The following SIGMAR1 variants were observed in gnomAD, a reference collection of about 807,000 sequenced individuals.
The protein encoded by SIGMAR1 is SR31747 binding protein 1.
A neutral mutation model predicts 25.4 loss-of-function variants in SIGMAR1; 18 were observed. That is an observed-to-expected ratio of 0.71 (90% CI 0.49 to 1.05). SIGMAR1 has a LOEUF of 1.05. SIGMAR1 is among the 50% of genes least tolerant of loss of function. SIGMAR1 has a pLI of 0.00. For missense variants in SIGMAR1, 249 were observed against 301.6 expected (o/e 0.83, Z 1.29); for synonymous variants, 125 against 131.6 (o/e 0.95, Z 0.34).
Position 34,637,407 on chromosome 9 carries a change from C to G in SIGMAR1, c.165G>C (p.Glu55Asp). ...CCACGATCAGACGAGAGAAGGCCAG[C>G]TCGTGGTCCAGCCCTGGCGGAGGCA... ...LARQYAGLDH[E>D]LAFSRLIVEL... The change falls in exon 2 of 4, where the codon GAG becomes GAC. Residue 55 changes from glutamate to aspartate, a missense_variant. Coordinates refer to ENST00000277010, the MANE Select transcript of SIGMAR1 (RefSeq NM_005866.4). 1.2e-6 allele frequency: 2 copies of G among 1,604,158 alleles called. No individual in the cohort carries two copies. The highest frequency in any genetic ancestry group is 1.7e-6 in the Non-Finnish European group (2 of 1,179,488).
chr9:34,637,494 C>A, intron 1 of SIGMAR1, 53 bp downstream of exon 1: 2 of 1,579,478 alleles, frequency 1.3e-6, no homozygotes, highest in Non-Finnish European at 1.7e-6. Context: ...CTTCGGAACC[C>A]TAGGCTCCGC....
Position 34,637,629 on chromosome 9 carries a change from G to C in SIGMAR1, c.69C>G (p.Thr23=). 1.9e-6 allele frequency: 3 copies of C among 1,541,804 alleles called. No individual in the cohort carries two copies. In the South Asian group the frequency reaches 3.6e-5, roughly 18 times the overall value. ...TACCCAGCCAGAGCCAGACGACCTG[G>C]GTCAGCACCGCTGCGACAGCCAGGA... ...ALLLAVAAVL[T]QVVWLWLGTQ... The change falls in exon 1 of 4, where the codon ACC becomes ACG. Residue 23 remains threonine, a synonymous_variant. Coordinates refer to ENST00000277010, the MANE Select transcript of SIGMAR1 (RefSeq NM_005866.4).
rs527335639 is a variant in SIGMAR1 at position 34,635,303 on chromosome 9, G to C, written c.*329C>G. On this transcript the variant is annotated 3_prime_UTR_variant, in exon 4 of 4. Coordinates refer to ENST00000277010, the MANE Select transcript of SIGMAR1 (RefSeq NM_005866.4). The surrounding 1 kb of genome is among the most constrained non-coding windows in gnomAD (Gnocchi z 4.5). ...TGGGGAGGAGGTGGGAAGCTGTGGA[G>C]CTATGGAAAGGCCTCAGTTAGTGAG... 4 of 391,362 alleles carry C rather than the reference G, an allele frequency of 1.0e-5. No homozygotes were observed. The highest frequency in any genetic ancestry group is 8.3e-5 in the African/African-American group (4 of 48,324). 24.2% of individuals were successfully genotyped at this position (391,362 alleles called of 1,614,324 possible).
At position 34,637,101 on chromosome 9, in the gene SIGMAR1, T is replaced by C; in HGVS notation, c.353-12A>G. The C allele has an allele frequency of 1.9e-6, 3 of 1,613,696 alleles. No homozygotes were observed. Among genetic ancestry groups the C allele is most frequent in the Non-Finnish European group, 2.5e-6 (3 of 1,179,976 alleles). ...AGCCCAGTAGCGCCCTGAGTGACAA[T>C]CGCACATGACACTATCAGGGTATTC... On this transcript the variant is annotated splice_polypyrimidine_tract_variant and intron_variant, in intron 2 of 3. Coordinates refer to ENST00000277010, the MANE Select transcript of SIGMAR1 (RefSeq NM_005866.4).
Position 34,635,138 on chromosome 9 carries a change from C to A in SIGMAR1, c.*494G>T. ...TGAGGACAGGGGAGAAGGGGAAGGGCATCATAGCTGCAGGTGAAGGGGGCC... is the reference window on the plus strand; with the variant it reads ...TGAGGACAGGGGAGAAGGGGAAGGGAATCATAGCTGCAGGTGAAGGGGGCC... On this transcript the variant is annotated 3_prime_UTR_variant, in exon 4 of 4. Coordinates refer to ENST00000277010, the MANE Select transcript of SIGMAR1 (RefSeq NM_005866.4). The surrounding 1 kb of genome is among the most constrained non-coding windows in gnomAD (Gnocchi z 4.5). The A allele has an allele frequency of 4.1e-6, 1 of 243,952 alleles. No homozygotes were observed. Among genetic ancestry groups the A allele is most frequent in the Non-Finnish European group, 8.2e-6 (1 of 121,700 alleles). 15.1% of individuals were successfully genotyped at this position (243,952 alleles called of 1,614,324 possible).
intron 1 of SIGMAR1, 60 bp downstream of exon 1, chr9:34,637,487 C>T: frequency 1.9e-6 from 3 of 1,580,518 alleles, no homozygotes; most frequent in Non-Finnish European, 2.6e-6. Context: ...ATGGCGCCTT[C>T]GGAACCCTAG....
chr9:34,635,317 TCA>T lies in SIGMAR1; in HGVS notation c.*313_*314del. ...GAAGCTGTGGAGCTATGGAAAGGCC[TCA>T]GTTAGTGAGTCAAGCTGTGATGTGT... On this transcript the variant is annotated 3_prime_UTR_variant, in exon 4 of 4. Coordinates refer to ENST00000277010, the MANE Select transcript of SIGMAR1 (RefSeq NM_005866.4). This position sits in a 1 kb window ranked among gnomAD's most constrained non-coding sequence, Gnocchi z 4.5. The T allele has an allele frequency of 2.4e-6, 1 of 411,508 alleles. No homozygotes were observed. Among genetic ancestry groups the T allele is most frequent in the South Asian group, 2.1e-5 (1 of 46,864 alleles). 25.5% of individuals were successfully genotyped at this position (411,508 alleles called of 1,614,324 possible). A position where few individuals can be genotyped will look rare whatever the true frequency, so the allele number is the denominator to read the frequency against.
At chr9:34,636,247 G>C (rs2132325928) in intron 3 of SIGMAR1, among the ~76,000 whole-genome samples, 1 of 149,864 alleles carries the variant, frequency 6.7e-6, no homozygotes, top group Non-Finnish European at 1.5e-5. Context: ...CCATGCCTGC[G>C]ATGCATACAC....
Position 34,637,043 on chromosome 9 carries a change from G to A in SIGMAR1, c.399C>T (p.Phe133=). ...EISDTIISGT[F]HQWREGTTKS... ...TGGTGGTGCCCTCTCTCCACTGGTGGAAGGTGCCAGAGATGATGGTATCCG... is the reference window on the plus strand; with the variant it reads ...TGGTGGTGCCCTCTCTCCACTGGTGAAAGGTGCCAGAGATGATGGTATCCG... The change falls in exon 3 of 4, where the codon TTC becomes TTT. Residue 133 remains phenylalanine, a synonymous_variant. Transcript: ENST00000277010. 4 of 1,614,196 alleles carry A rather than the reference G, an allele frequency of 2.5e-6. No individual in the cohort carries two copies. The highest frequency in any genetic ancestry group is 3.4e-6 in the Non-Finnish European group (4 of 1,180,044).
Position 34,635,757 on chromosome 9 carries a change from C to T in SIGMAR1, c.547G>A (p.Ala183Thr), listed in dbSNP as rs764193929. Reference sequence around the variant, plus strand: ...AAGACAGTGTCGGCCAGCGCGAAGGCCAGGGTGGATGGGATGACGCCCCGG... The same window carrying T: ...AAGACAGTGTCGGCCAGCGCGAAGGTCAGGGTGGATGGGATGACGCCCCGG... ...YGRGVIPSTL[A>T]FALADTVFST... Residue 183 changes from alanine to threonine, a missense_variant, in exon 4 of 4, where the codon GCC becomes ACC. Ala to Thr is a moderately conservative substitution (Grantham distance 58). Transcript: ENST00000277010. This position sits in a 1 kb window ranked among gnomAD's most constrained non-coding sequence, Gnocchi z 4.5. The T allele has an allele frequency of 5.6e-6, 9 of 1,614,110 alleles. No homozygotes were observed. The highest frequency in any genetic ancestry group is 4.5e-5 in the East Asian group (2 of 44,892).
chr9:34,637,505 T>G (rs1357800259), intron 1 of SIGMAR1, 42 bp downstream of exon 1: 9 of 1,580,816 alleles, frequency 5.7e-6, no homozygotes, highest in Non-Finnish European at 6.8e-6. Context: ...TAGGCTCCGC[T>G]CCCAGGCCGG....
Position 34,635,935 on chromosome 9 carries a change from G to T in SIGMAR1, c.446-77C>A. On this transcript the variant is annotated intron_variant, in intron 3 of 3. Transcript: ENST00000277010. The surrounding 1 kb of genome is among the most constrained non-coding windows in gnomAD (Gnocchi z 4.5). Reference sequence around the variant, plus strand: ...ATGGCTGCTGCTTCCCTGGCCCATGGACTAACTAGGGGTGGGGAATGGAGA... The same window carrying T: ...ATGGCTGCTGCTTCCCTGGCCCATGTACTAACTAGGGGTGGGGAATGGAGA... 1 of 1,595,010 alleles carries T rather than the reference G, an allele frequency of 6.3e-7. No individual in the cohort carries two copies. Among genetic ancestry groups the T allele is most frequent in the Non-Finnish European group, 8.5e-7 (1 of 1,172,850 alleles).
chr9:34,635,543 C>T lies in SIGMAR1; in HGVS notation c.*89G>A. 1 of 1,575,262 alleles carries T rather than the reference C, an allele frequency of 6.3e-7. No homozygotes were observed. Among genetic ancestry groups the T allele is most frequent in the Non-Finnish European group, 8.6e-7 (1 of 1,158,576 alleles). ...ACTCAGGATCTGCATGGTGTATGTC[C>T]CTGTCTGTAAACATGGGCTCCAGCA... On this transcript the variant is annotated 3_prime_UTR_variant, in exon 4 of 4. Transcript: ENST00000277010. This position sits in a 1 kb window ranked among gnomAD's most constrained non-coding sequence, Gnocchi z 4.5.
rs1820832825 is a variant in SIGMAR1, at chr9:34,635,793, C to A, written c.511G>T (p.Val171Leu). 6.2e-7 allele frequency: 1 copy of A among 1,614,206 alleles called. No individual in the cohort carries two copies. The highest frequency in any genetic ancestry group is 8.5e-7 in the Non-Finnish European group (1 of 1,180,030). Residue 171 changes from valine (V) to leucine (L), a missense_variant, in exon 4 of 4, where the codon GTG becomes TTG. Coordinates refer to ENST00000277010, the MANE Select transcript of SIGMAR1 (RefSeq NM_005866.4). This position sits in a 1 kb window ranked among gnomAD's most constrained non-coding sequence, Gnocchi z 4.5. ...AVEWGPNTWM[V>L]EYGRGVIPST... ...GGGATGACGCCCCGGCCGTACTCCA[C>A]CATCCATGTGTTTGGCCCCCACTCC... is the stretch of plus-strand genomic sequence containing the variant.
At position 34,634,914 on chromosome 9, in the gene SIGMAR1, G is replaced by A; in HGVS notation, c.*718C>T. ...ACCTGTCTAGATCCTCTCCTCAGTG[G>A]TGGGTCCTGGGCTGAAACCAGCTTC... On this transcript the variant is annotated 3_prime_UTR_variant, in exon 4 of 4. Coordinates refer to ENST00000277010, the MANE Select transcript of SIGMAR1 (RefSeq NM_005866.4). The A allele has an allele frequency of 6.3e-6, 1 of 157,528 alleles. No individual in the cohort carries two copies. Among genetic ancestry groups the A allele is most frequent in the Non-Finnish European group, 1.4e-5 (1 of 70,850 alleles). 9.8% of individuals were successfully genotyped at this position (157,528 alleles called of 1,614,324 possible).
At position 34,635,747 on chromosome 9, in the gene SIGMAR1, A is replaced by G; in HGVS notation, c.557T>C (p.Leu186Pro). 1 of 1,614,252 alleles carries G rather than the reference A, an allele frequency of 6.2e-7. No homozygotes were observed. The highest frequency in any genetic ancestry group is 8.5e-7 in the Non-Finnish European group (1 of 1,180,042). ...GVIPSTLAFALADTVFSTQDF... is the reference protein window; with the variant it reads ...GVIPSTLAFAPADTVFSTQDF... ...CTGGGTGCTGAAGACAGTGTCGGCC[A>G]GCGCGAAGGCCAGGGTGGATGGGAT... Residue 186 changes from leucine (L) to proline (P), a missense_variant, in exon 4 of 4, where the codon CTG becomes CCG. Physicochemically the swap from Leu to Pro is moderately conservative, Grantham distance 98. Coordinates refer to ENST00000277010, the MANE Select transcript of SIGMAR1 (RefSeq NM_005866.4). This position sits in a 1 kb window ranked among gnomAD's most constrained non-coding sequence, Gnocchi z 4.5.
At chr9:34,636,775 T>G in intron 3 of SIGMAR1, 2 of 599,380 alleles carry the variant, frequency 3.3e-6, no homozygotes, top group East Asian at 2.8e-5. Context: ...AAATCAGACA[T>G]GTTTAATAGG....
At chr9:34,636,048 G>A (rs1034593855) in intron 3 of SIGMAR1, among the ~76,000 whole-genome samples, 190 bp from the exon 4 acceptor site, 2 of 152,106 alleles carry the variant, frequency 1.3e-5, no homozygotes, top group African/African-American at 4.8e-5. Context: ...TCTGACCCAC[G>A]TCCTCTCTTT....
intron 3 of SIGMAR1, among the ~76,000 whole-genome samples, chr9:34,636,365 G>A (rs1354033408): frequency 6.6e-6 from 1 of 151,418 alleles, no homozygotes. Flanking sequence ...CGGGCGCGGT[G>A]GCTCACACCT....
Sources: allele counts gnomAD v4.1 joint callset (sites outside exome capture counted in the v4.1 genomes callset), GRCh38; gene constraint gnomAD v4.1.1; non-coding constraint Gnocchi (gnomAD v3.1); transcripts MANE v1.5; gene names NCBI Gene and HGNC (gene_info 2026-07-23, HGNC 2026-07-21).